The following GSK3B variants were observed in gnomAD, a reference collection of about 807,000 sequenced individuals.
GSK3B encodes glycogen synthase kinase 3 beta.
Under a neutral mutation model 56.4 loss-of-function variants are expected in GSK3B, and 15 were observed. That is an observed-to-expected ratio of 0.27 (90% CI 0.18 to 0.41). GSK3B has a LOEUF of 0.41. Among genes scored for constraint, GSK3B ranks in the 10% least tolerant of loss-of-function variants. The probability of loss-of-function intolerance (pLI) is 1.00; values close to 1 mark genes in which losing one functional copy is unlikely to be tolerated. For missense variants in GSK3B, 300 were observed against 513.4 expected (o/e 0.58, Z 4.02); for synonymous variants, 181 against 188.9 (o/e 0.96, Z 0.34).
intron 1 of GSK3B, among the ~76,000 whole-genome samples, chr3:120,010,933 T>A (rs1472924045): frequency 6.6e-6 from 1 of 152,072 alleles, no homozygotes; most frequent in African/African-American, 2.4e-5. Context: ...CCAAACACAG[T>A]GATGCACACA....
At position 120,093,714 on chromosome 3, in the gene GSK3B, GGA is replaced by G; in HGVS notation, c.-282_-281del. The G allele has an allele frequency of 3.0e-6, 1 of 336,882 alleles. No homozygotes were observed. Among genetic ancestry groups the G allele is most frequent in the Non-Finnish European group, 5.4e-6 (1 of 185,788 alleles). The allele number at this position is 336,882 out of a possible 1,614,324, so 20.9% of individuals were successfully genotyped here. ...ATTCTTTCCCCTCCCTTTCCTGGGA[GGA>G]GAGAAAAGAGAGGGCAAATCCTAAA... On this transcript the variant is annotated 5_prime_UTR_variant, in exon 1 of 11. Transcript: ENST00000264235.
intron 2 of GSK3B, among the ~76,000 whole-genome samples, chr3:119,982,457 A>C (rs2057472766): frequency 6.6e-6 from 1 of 152,228 alleles, no homozygotes; most frequent in Admixed American, 6.5e-5. Context: ...AAGGAAGCTA[A>C]TAACCTTGAA....
chr3:119,850,671 A>C (rs1203955151), intron 9 of GSK3B, among the ~76,000 whole-genome samples: 4 of 152,182 alleles, frequency 2.6e-5, no homozygotes, highest in Non-Finnish European at 5.9e-5. Context: ...AGTGAGGGTG[A>C]ATATAAACTG....
intron 1 of GSK3B, among the ~76,000 whole-genome samples, chr3:120,073,430 T>C (rs1287284719): frequency 6.6e-6 from 1 of 152,004 alleles, no homozygotes; most frequent in East Asian, 1.9e-4. Context: ...CAAAACTGAT[T>C]TTGCAATATG....
At chr3:119,851,112 G>A (rs1283970029) in intron 9 of GSK3B, among the ~76,000 whole-genome samples, 1 of 152,118 alleles carries the variant, frequency 6.6e-6, no homozygotes, top group East Asian at 1.9e-4. Flanking sequence ...TGTTTTGATG[G>A]TGCATCAATA....
At chr3:119,873,248 TG>T in intron 8 of GSK3B, among the ~76,000 whole-genome samples, 1 of 152,276 alleles carries the variant, frequency 6.6e-6, no homozygotes, top group South Asian at 2.1e-4. Context: ...GTTATTTTTC[TG>T]CTATTTCTTT....
chr3:119,882,587 A>G (rs1466959872), intron 7 of GSK3B, among the ~76,000 whole-genome samples: 3 of 152,146 alleles, frequency 2.0e-5, no homozygotes, highest in Admixed American at 6.6e-5. Context: ...CATGCATATA[A>G]TTAAGGTTTG....
intron 7 of GSK3B, among the ~76,000 whole-genome samples, chr3:119,886,990 C>T (rs1330967918): frequency 2.0e-5 from 3 of 152,000 alleles, no homozygotes; most frequent in Middle Eastern, 3.2e-3. Context: ...TGCACATGTA[C>T]CCCTGAATCT....
intron 1 of GSK3B, among the ~76,000 whole-genome samples, chr3:120,072,240 TA>T (rs1202588782): frequency 6.6e-6 from 1 of 152,174 alleles, no homozygotes; most frequent in Non-Finnish European, 1.5e-5. Context: ...ATGAAAATGA[TA>T]AATCAACCTT....
At chr3:119,935,566 C>T (rs1345931163) in intron 3 of GSK3B, among the ~76,000 whole-genome samples, 1 of 152,176 alleles carries the variant, frequency 6.6e-6, no homozygotes, top group Non-Finnish European at 1.5e-5. Flanking sequence ...CTACTTGTAT[C>T]TCCTCTACAC....
At chr3:119,986,576 GA>G (rs963957006) in intron 2 of GSK3B, among the ~76,000 whole-genome samples, 2 of 151,636 alleles carry the variant, frequency 1.3e-5, no homozygotes, top group African/African-American at 4.8e-5. Flanking sequence ...ACAGACACAC[GA>G]AAAAATGCTC....
chr3:120,035,311 T>A (rs2058012943), intron 1 of GSK3B, among the ~76,000 whole-genome samples: 2 of 152,134 alleles, frequency 1.3e-5, no homozygotes, highest in South Asian at 4.1e-4. Context: ...CGGGGATAAT[T>A]CCCTAGAGCA....
At position 119,901,253 on chromosome 3, in the gene GSK3B, C is replaced by G. The variant is rs146823474; in HGVS notation, c.813+4502G>C. ...ATTTAAAGGAAAAAAAGCACATTGT[C>G]TGAGAAGCCCCTAATGGAATTTGTC... On this transcript the variant is annotated intron_variant, in intron 7 of 10. Transcript: ENST00000264235. Among the ~76,000 whole-genome samples, 5 of 152,210 alleles carry G rather than the reference C, an allele frequency of 3.3e-5. No individual in the cohort carries two copies. The East Asian group carries it at 9.6e-4, about 29-fold the overall frequency.
chr3:120,029,389 C>T (rs919177384), intron 1 of GSK3B: 5 of 768,076 alleles, frequency 6.5e-6, no homozygotes, highest in Admixed American at 5.4e-5. Context: ...AGTCATTTCT[C>T]CTTATTTCAC....
chr3:120,042,636 A>C (rs1166946238), intron 1 of GSK3B, among the ~76,000 whole-genome samples: 1 of 152,244 alleles, frequency 6.6e-6, no homozygotes, highest in Non-Finnish European at 1.5e-5. Flanking sequence ...TAGTTAAGGC[A>C]TTAATTAAAA....
chr3:119,950,200 C>A (rs777954900), intron 2 of GSK3B, among the ~76,000 whole-genome samples: 5 of 152,174 alleles, frequency 3.3e-5, no homozygotes, highest in Non-Finnish European at 5.9e-5. Flanking sequence ...TCAAAAGCTA[C>A]TGAAAGATGC....
intron 2 of GSK3B, among the ~76,000 whole-genome samples, chr3:119,992,085 A>G (rs1207431041): frequency 6.6e-6 from 1 of 152,062 alleles, no homozygotes; most frequent in Non-Finnish European, 1.5e-5. Context: ...TTAAAAGATC[A>G]ACACTTTTTT....
chr3:119,934,484 T>C (rs1001747191), intron 3 of GSK3B, among the ~76,000 whole-genome samples: 2 of 152,200 alleles, frequency 1.3e-5, no homozygotes, highest in African/African-American at 4.8e-5. Flanking sequence ...GAAACTGCCA[T>C]GCAGGTAAGT....
At chr3:120,077,669 G>A (rs545484865) in intron 1 of GSK3B, among the ~76,000 whole-genome samples, 185 of 151,386 alleles carry the variant, frequency 1.2e-3, no homozygotes, top group African/African-American at 4.4e-3. Flanking sequence ...GAGAGGGGGT[G>A]GGTAACTATG....
Sources: gnomAD v4.1 joint callset for allele counts (sites outside exome capture counted in the v4.1 genomes callset) on GRCh38, gnomAD v4.1.1 for gene constraint, MANE v1.5 for transcripts, NCBI Gene and HGNC (gene_info 2026-07-23, HGNC 2026-07-21) for gene names.